Variants in ISLR observed in about 807,000 individuals in gnomAD.
ISLR encodes the protein immunoglobulin superfamily containing leucine rich repeat.
ISLR carries 9 observed loss-of-function variants against 11.0 expected under a neutral mutation model. That is an observed-to-expected ratio of 0.82 (90% CI 0.49 to 1.43). The LOEUF (loss-of-function observed/expected upper bound fraction) is 1.43. ISLR is among the 40% of genes most tolerant of loss of function. The pLI, the probability that ISLR is intolerant of heterozygous loss-of-function variation, is 0.00. For synonymous variants in ISLR, 262 were observed against 264.1 expected (o/e 0.99, Z 0.08); for missense variants, 510 against 576.4 (o/e 0.88, Z 1.18).
In ISLR at chr15:74,174,826, C is replaced by T. The variant is rs78035782; in HGVS notation, c.-8-25C>T. On this transcript the variant is annotated intron_variant, in intron 1 of 1. Transcript: ENST00000249842. ...CCCTTTGGCAGGTTCTCGGGATCCCCTGGGTGACATGCCTTTCTCTGCAGG... is the reference window on the plus strand; with the variant it reads ...CCCTTTGGCAGGTTCTCGGGATCCCTTGGGTGACATGCCTTTCTCTGCAGG... 3.0e-3 allele frequency: 4,449 copies of T among 1,499,534 alleles called. 110 individuals carry two copies. In the African/African-American group the frequency reaches 0.053, roughly 18 times the overall value. The allele number at this position is 1,499,534 out of a possible 1,614,324, so 92.9% of individuals were successfully genotyped here. A position where few individuals can be genotyped will look rare whatever the true frequency, so the allele number is the denominator to read the frequency against.
chr15:74,175,615 C>G lies in ISLR; in HGVS notation c.757C>G (p.Leu253Val). The change falls in exon 2 of 2, where the codon CTG becomes GTG. Residue 253 changes from leucine (L) to valine (V), a missense_variant. By Grantham distance (32) the Leu-to-Val change is conservative (BLOSUM62 1). Coordinates refer to ENST00000249842, the MANE Select transcript of ISLR (RefSeq NM_005545.4). The surrounding 1 kb of genome is among the most constrained non-coding windows in gnomAD (Gnocchi z 4.7). Reference sequence around the variant, plus strand: ...TGCCGAGCTGCGGCCTGGTTTTGTGCTGGCACTGCACTGTGATGTGGACGG... The same window carrying G: ...TGCCGAGCTGCGGCCTGGTTTTGTGGTGGCACTGCACTGTGATGTGGACGG... The part of the protein sequence containing the change: ...DGAELRPGFV[L>V]ALHCDVDGQP... 1 of 1,613,956 alleles carries G rather than the reference C, an allele frequency of 6.2e-7. No homozygotes were observed. The highest frequency in any genetic ancestry group is 8.5e-7 in the Non-Finnish European group (1 of 1,180,010).
Position 74,176,062 on chromosome 15 carries a change from G to A in ISLR, c.1204G>A (p.Glu402Lys), listed in dbSNP as rs913075761. 1.9e-6 allele frequency: 3 copies of A among 1,610,760 alleles called. No homozygotes were observed. Among genetic ancestry groups the A allele is most frequent in the Non-Finnish European group, 2.5e-6 (3 of 1,177,994 alleles). Residue 402 changes from glutamate (E) to lysine (K), a missense_variant, in exon 2 of 2, where the codon GAA (glutamate) becomes AAA (lysine). Transcript: ENST00000249842. The stretch of plus-strand genomic sequence containing the variant: ...TGGGAACCCTGAGGCTGCAGTCGCA[G>A]AAGGGGTCCCTGGGCAGCTGCCCCC... ...RAGNPEAAVA[E>K]GVPGQLPPGL...
At chr15:74,174,555 A>C in intron 1 of ISLR, 1 of 320,610 alleles carries the variant, frequency 3.1e-6, no homozygotes. Context: ...TCATAAAGTC[A>C]GCTAGGAACA....
chr15:74,176,315 G>C lies in ISLR; in HGVS notation c.*170G>C. The C allele has an allele frequency of 3.6e-6, 2 of 556,440 alleles. No individual in the cohort carries two copies. Among genetic ancestry groups the C allele is most frequent in the Non-Finnish European group, 6.4e-6 (2 of 312,786 alleles). 34.5% of individuals were successfully genotyped at this position (556,440 alleles called of 1,614,324 possible). On this transcript the variant is annotated 3_prime_UTR_variant, in exon 2 of 2. Coordinates refer to ENST00000249842, the MANE Select transcript of ISLR (RefSeq NM_005545.4). ...CCTGCTATCCCCAACTTCTAGACCTGCTCCAAACTAGTGACTAGGATAGAA... is the reference window on the plus strand; with the variant it reads ...CCTGCTATCCCCAACTTCTAGACCTCCTCCAAACTAGTGACTAGGATAGAA...
chr15:74,175,170 C>T lies in ISLR; in HGVS notation c.312C>T (p.Asp104=). 1 of 1,612,702 alleles carries T rather than the reference C, an allele frequency of 6.2e-7. No individual in the cohort carries two copies. Among genetic ancestry groups the T allele is most frequent in the Non-Finnish European group, 8.5e-7 (1 of 1,179,998 alleles). The change falls in exon 2 of 2, where the codon GAC becomes GAT. Residue 104 remains aspartate, a synonymous_variant. Transcript: ENST00000249842. This position sits in a 1 kb window ranked among gnomAD's most constrained non-coding sequence, Gnocchi z 4.7. ...LASLSHLKSL[D]LSHNLISDFA... Reference sequence around the variant, plus strand: ...CTCTGAGCCATCTCAAGAGCCTGGACCTCAGCCACAATCTCATCTCTGACT... The same window carrying T: ...CTCTGAGCCATCTCAAGAGCCTGGATCTCAGCCACAATCTCATCTCTGACT...
Position 74,176,409 on chromosome 15 carries a change from G to C in ISLR, c.*264G>C. 2.3e-6 allele frequency: 1 copy of C among 430,892 alleles called. No homozygotes were observed. Among genetic ancestry groups the C allele is most frequent in the South Asian group, 9.2e-5 (1 of 10,834 alleles). The allele number at this position is 430,892 out of a possible 1,614,324, so 26.7% of individuals were successfully genotyped here. ...CAGCATTGCCTGTGCTCTCCTCTCAGGGGCAGCATGCTAACGGGGCGACGT... is the reference window on the plus strand; with the variant it reads ...CAGCATTGCCTGTGCTCTCCTCTCACGGGCAGCATGCTAACGGGGCGACGT... On this transcript the variant is annotated 3_prime_UTR_variant, in exon 2 of 2. Coordinates refer to ENST00000249842, the MANE Select transcript of ISLR (RefSeq NM_005545.4).
At position 74,176,180 on chromosome 15, in the gene ISLR, C is replaced by A; in HGVS notation, c.*35C>A. 1 of 1,502,510 alleles carries A rather than the reference C, an allele frequency of 6.7e-7. No homozygotes were observed. The highest frequency in any genetic ancestry group is 8.9e-7 in the Non-Finnish European group (1 of 1,119,290). 93.1% of individuals were successfully genotyped at this position (1,502,510 alleles called of 1,614,324 possible). ...GGGCTTCCCTAACTCCTCCCCTTGC[C>A]CCTACCAATGCCCCTTTAAGTGCTG... On this transcript the variant is annotated 3_prime_UTR_variant, in exon 2 of 2. Transcript: ENST00000249842.
Position 74,175,280 on chromosome 15 carries a change from C to G in ISLR, c.422C>G (p.Ala141Gly), listed in dbSNP as rs758070909. Reference protein sequence around the residue: ...SNELTFIPRDAFRSLRALRSL... With the variant: ...SNELTFIPRDGFRSLRALRSL... ...GAGCTGACCTTCATCCCCCGCGACG[C>G]CTTCCGCAGCCTCCGTGCTCTGCGC... The change falls in exon 2 of 2, where the codon GCC (alanine) becomes GGC (glycine). Residue 141 changes from alanine to glycine, a missense_variant. By Grantham distance (60) the Ala-to-Gly change is moderately conservative (BLOSUM62 0). Coordinates refer to ENST00000249842, the MANE Select transcript of ISLR (RefSeq NM_005545.4). The surrounding 1 kb of genome is among the most constrained non-coding windows in gnomAD (Gnocchi z 4.7). 1.6e-5 allele frequency: 26 copies of G among 1,612,384 alleles called. No homozygotes were observed. Among genetic ancestry groups the G allele is most frequent in the Middle Eastern group, 1.6e-4 (1 of 6,084 alleles).
Position 74,175,185 on chromosome 15 carries a change from C to A in ISLR, c.327C>A (p.Leu109=). ...AGAGCCTGGACCTCAGCCACAATCT[C>A]ATCTCTGACTTTGCCTGGAGCGACC... The part of the protein sequence containing the change: ...HLKSLDLSHN[L]ISDFAWSDLH... The change falls in exon 2 of 2, where the codon CTC becomes CTA. Residue 109 remains leucine (L), a synonymous_variant. Coordinates refer to ENST00000249842, the MANE Select transcript of ISLR (RefSeq NM_005545.4). The surrounding 1 kb of genome is among the most constrained non-coding windows in gnomAD (Gnocchi z 4.7). 6.2e-7 allele frequency: 1 copy of A among 1,613,228 alleles called. No homozygotes were observed.
chr15:74,175,946 CG>C lies in ISLR; in HGVS notation c.1090del (p.Val364LeufsTer109), dbSNP rs759082939. 6.2e-7 allele frequency: 1 copy of C among 1,610,108 alleles called. No individual in the cohort carries two copies. The highest frequency in any genetic ancestry group is 1.1e-5 in the South Asian group (1 of 90,640). On this transcript the variant is annotated frameshift_variant, in exon 2 of 2. Coordinates refer to ENST00000249842, the MANE Select transcript of ISLR (RefSeq NM_005545.4). LOFTEE classifies it high-confidence loss of function. This position sits in a 1 kb window ranked among gnomAD's most constrained non-coding sequence, Gnocchi z 4.7. ...DTLGRRFHGK[A>X]VEGKGCYTVD... ...CTGGGGCGCAGGTTCCATGGCAAAG[CG>C]GTTGAGGGAAAGGGCTGCTATACGG... is the stretch of plus-strand genomic sequence containing the variant.
rs757147266 is a variant in ISLR, at chr15:74,175,350, C to T, written c.492C>T (p.Gly164=). ...ACCGCTTGCACACATTGGCCGAGGG[C>T]ACCTTCACCCCGCTCACCGCGCTGT... ...NHNRLHTLAE[G]TFTPLTALSH... is the part of the protein sequence containing the mutation. Residue 164 remains glycine, a synonymous_variant, in exon 2 of 2, where the codon GGC becomes GGT. Transcript: ENST00000249842. This position sits in a 1 kb window ranked among gnomAD's most constrained non-coding sequence, Gnocchi z 4.7. 2 of 1,610,822 alleles carry T rather than the reference C, an allele frequency of 1.2e-6. No homozygotes were observed. Among genetic ancestry groups the T allele is most frequent in the Admixed American group, 3.3e-5 (2 of 60,004 alleles).
rs763884381 is a variant in ISLR, at chr15:74,175,344, C to T, written c.486C>T (p.Ala162=). ...ACCACAACCGCTTGCACACATTGGC[C>T]GAGGGCACCTTCACCCCGCTCACCG... ...QLNHNRLHTL[A]EGTFTPLTAL... Residue 162 remains alanine, a synonymous_variant, in exon 2 of 2, where the codon GCC becomes GCT. Transcript: ENST00000249842. The surrounding 1 kb of genome is among the most constrained non-coding windows in gnomAD (Gnocchi z 4.7). 40 of 1,610,774 alleles carry T rather than the reference C, an allele frequency of 2.5e-5. No homozygotes were observed. Among genetic ancestry groups the T allele is most frequent in the East Asian group, 6.7e-5 (3 of 44,886 alleles).
chr15:74,175,780 G>A lies in ISLR; in HGVS notation c.922G>A (p.Ala308Thr), dbSNP rs985746281. ...CTCCCAGCCGCGCTTCCAGGCCTTT[G>A]CCAATGGCAGCCTGCTTATCCCCGA... Reference protein sequence around the residue: ...ASSQPRFQAFANGSLLIPDFG... With the variant: ...ASSQPRFQAFTNGSLLIPDFG... The change falls in exon 2 of 2, where the codon GCC (alanine) becomes ACC (threonine). Residue 308 changes from alanine (A) to threonine (T), a missense_variant. By Grantham distance (58) the Ala-to-Thr change is moderately conservative. Coordinates refer to ENST00000249842, the MANE Select transcript of ISLR (RefSeq NM_005545.4). The surrounding 1 kb of genome is among the most constrained non-coding windows in gnomAD (Gnocchi z 4.7). 6 of 1,613,974 alleles carry A rather than the reference G, an allele frequency of 3.7e-6. No individual in the cohort carries two copies. The African/African-American group carries it at 8.0e-5, about 22-fold the overall frequency.
In ISLR at chr15:74,175,293, C is replaced by T; in HGVS notation, c.435C>T (p.Leu145=). The part of the protein sequence containing the change: ...TFIPRDAFRS[L]RALRSLQLNH... ...TCCCCCGCGACGCCTTCCGCAGCCT[C>T]CGTGCTCTGCGCTCGCTGCAACTCA... is the stretch of plus-strand genomic sequence containing the variant. Residue 145 remains leucine, a synonymous_variant, in exon 2 of 2, where the codon CTC becomes CTT. Coordinates refer to ENST00000249842, the MANE Select transcript of ISLR (RefSeq NM_005545.4). The surrounding 1 kb of genome is among the most constrained non-coding windows in gnomAD (Gnocchi z 4.7). The T allele has an allele frequency of 6.2e-7, 1 of 1,612,148 alleles. No individual in the cohort carries two copies. Among genetic ancestry groups the T allele is most frequent in the East Asian group, 2.2e-5 (1 of 44,882 alleles).
At position 74,176,255 on chromosome 15, in the gene ISLR, T is replaced by A. The variant is rs528754443; in HGVS notation, c.*110T>A. The A allele has an allele frequency of 1.3e-6, 1 of 798,822 alleles. No individual in the cohort carries two copies. The highest frequency in any genetic ancestry group is 3.7e-4 in the Middle Eastern group (1 of 2,716). The allele number at this position is 798,822 out of a possible 1,614,324, so 49.5% of individuals were successfully genotyped here. A position where few individuals can be genotyped will look rare whatever the true frequency, so the allele number is the denominator to read the frequency against. Reference sequence around the variant, plus strand: ...TGAGGCCTGCATGGGTGACTTCACATTTTCCTACCTCTCCTTCTAATCTCT... The same window carrying A: ...TGAGGCCTGCATGGGTGACTTCACAATTTCCTACCTCTCCTTCTAATCTCT... On this transcript the variant is annotated 3_prime_UTR_variant, in exon 2 of 2. Coordinates refer to ENST00000249842, the MANE Select transcript of ISLR (RefSeq NM_005545.4).
In ISLR at chr15:74,174,925, T is replaced by C. The variant is rs756346728; in HGVS notation, c.67T>C (p.Cys23Arg). The change falls in exon 2 of 2, where the codon TGC becomes CGC. Residue 23 changes from cysteine to arginine, a missense_variant. By Grantham distance (180) the Cys-to-Arg change is radical. Transcript: ENST00000249842. Reference protein sequence around the residue: ...LGLAQACPEPCDCGEKYGFQI... With the variant: ...LGLAQACPEPRDCGEKYGFQI... ...CCTGGCTCAGGCCTGCCCTGAGCCC[T>C]GCGACTGTGGGGAAAAGTATGGCTT... is the stretch of plus-strand genomic sequence containing the variant. The C allele has an allele frequency of 6.2e-7, 1 of 1,600,740 alleles. No homozygotes were observed. The highest frequency in any genetic ancestry group is 1.3e-5 in the African/African-American group (1 of 74,646).
At position 74,174,927 on chromosome 15, in the gene ISLR, C is replaced by T. The variant is rs754322477; in HGVS notation, c.69C>T (p.Cys23=). The T allele has an allele frequency of 3.7e-6, 6 of 1,601,338 alleles. No homozygotes were observed. The highest frequency in any genetic ancestry group is 1.7e-5 in the Admixed American group (1 of 58,388). ...TGGCTCAGGCCTGCCCTGAGCCCTG[C>T]GACTGTGGGGAAAAGTATGGCTTCC... ...LGLAQACPEP[C]DCGEKYGFQI... is the part of the protein sequence containing the mutation. Residue 23 remains cysteine, a synonymous_variant, in exon 2 of 2, where the codon TGC becomes TGT. Transcript: ENST00000249842.
In ISLR at chr15:74,175,040, G is replaced by A. The variant is rs374518056; in HGVS notation, c.182G>A (p.Arg61Gln). 57 of 1,610,648 alleles carry A rather than the reference G, an allele frequency of 3.5e-5. No homozygotes were observed. Among genetic ancestry groups the A allele is most frequent in the South Asian group, 6.6e-5 (6 of 90,738 alleles). ...NVTTLSLSAN[R>Q]LPGLPEGAFR... ...ACTACACTGAGCCTGTCAGCCAACC[G>A]GCTGCCAGGCTTGCCGGAGGGTGCC... The change falls in exon 2 of 2, where the codon CGG (arginine) becomes CAG (glutamine). Residue 61 changes from arginine to glutamine, a missense_variant. By Grantham distance (43) the Arg-to-Gln change is conservative. Coordinates refer to ENST00000249842, the MANE Select transcript of ISLR (RefSeq NM_005545.4). The surrounding 1 kb of genome is among the most constrained non-coding windows in gnomAD (Gnocchi z 4.7).
rs1455377091 is a variant in ISLR at position 74,173,909 on chromosome 15, C to G, written c.-119C>G. ...CCAGGCTGCCCCTCGCCCCAGCATCCAAGTCCTCCCTTGGGCGCCCGTGGC... is the reference window on the plus strand; with the variant it reads ...CCAGGCTGCCCCTCGCCCCAGCATCGAAGTCCTCCCTTGGGCGCCCGTGGC... On this transcript the variant is annotated 5_prime_UTR_variant, in exon 1 of 2. Transcript: ENST00000249842. 2.0e-5 allele frequency: 3 copies of G among 153,350 alleles called. No individual in the cohort carries two copies. The highest frequency in any genetic ancestry group is 7.2e-5 in the African/African-American group (3 of 41,498). The allele number at this position is 153,350 out of a possible 1,614,324, so 9.5% of individuals were successfully genotyped here. A position where few individuals can be genotyped will look rare whatever the true frequency, so the allele number is the denominator to read the frequency against.
Sources: gnomAD v4.1 joint callset for allele counts on GRCh38, gnomAD v4.1.1 for gene constraint, Gnocchi (gnomAD v3.1) non-coding constraint, MANE v1.5 for transcripts, NCBI Gene and HGNC (gene_info 2026-07-23, HGNC 2026-07-21) for gene names.